SLC35F3: variants seen among roughly 807,000 people sequenced by gnomAD.
SLC35F3 encodes putative thiamine transporter SLC35F3.
In SLC35F3, 25 loss-of-function variants were observed where a neutral mutation model predicts 49.9. That is an observed-to-expected ratio of 0.50 (90% CI 0.37 to 0.70). SLC35F3 has a LOEUF of 0.70. Ranked by LOEUF, SLC35F3 falls within the 30% of genes least tolerant of loss-of-function variation. SLC35F3 has a pLI of 0.00. For synonymous variants in SLC35F3, 275 were observed against 265.4 expected (o/e 1.04, Z -0.35); for missense variants, 525 against 639.8 (o/e 0.82, Z 1.94).
At chr1:234,164,303 T>C (rs1205476925) in intron 2 of SLC35F3, among the ~76,000 whole-genome samples, 1 of 151,248 alleles carries the variant, frequency 6.6e-6, no homozygotes, top group Non-Finnish European at 1.5e-5. Flanking sequence ...TCTTTCTCTT[T>C]CCCTCTCTTT....
intron 2 of SLC35F3, among the ~76,000 whole-genome samples, chr1:234,123,843 G>T (rs1475236838): frequency 6.6e-6 from 1 of 152,112 alleles, no homozygotes; most frequent in Non-Finnish European, 1.5e-5. Flanking sequence ...TGCAGCTCTG[G>T]GGACAAAGGG....
intron 2 of SLC35F3, among the ~76,000 whole-genome samples, chr1:234,032,525 C>T (rs189061147): frequency 4.6e-5 from 7 of 152,256 alleles, no homozygotes; most frequent in Admixed American, 2.6e-4. Context: ...CACTTCCCCC[C>T]GATCCCCAAA....
intron 3 of SLC35F3, among the ~76,000 whole-genome samples, chr1:234,273,435 C>A (rs1032454627): frequency 6.6e-6 from 1 of 152,188 alleles, no homozygotes; most frequent in Admixed American, 6.5e-5. Flanking sequence ...AGCAGTCTGT[C>A]CTGCCCCCCT....
intron 2 of SLC35F3, among the ~76,000 whole-genome samples, chr1:234,168,701 A>T (rs1031086261): frequency 6.6e-6 from 1 of 152,220 alleles, no homozygotes; most frequent in Non-Finnish European, 1.5e-5. Flanking sequence ...TGCCCAGCAG[A>T]ACAGTGAGGC....
intron 3 of SLC35F3, among the ~76,000 whole-genome samples, chr1:234,265,320 C>A (rs1198983093): frequency 1.4e-5 from 2 of 146,134 alleles, no homozygotes; most frequent in Non-Finnish European, 3.0e-5. Flanking sequence ...ATTATTTCTT[C>A]TTTTTTTCTT....
chr1:234,098,310 A>G (rs1665157730), intron 2 of SLC35F3, among the ~76,000 whole-genome samples: 2 of 128,972 alleles, frequency 1.6e-5, no homozygotes, highest in African/African-American at 3.1e-5. Context: ...ATGGTGTTAT[A>G]GGGTGATGAT....
At position 234,043,948 on chromosome 1, in the gene SLC35F3, C is replaced by T. The variant is rs566537156; in HGVS notation, c.283+138190C>T. On this transcript the variant is annotated intron_variant, in intron 2 of 7. Transcript: ENST00000366618. The stretch of plus-strand genomic sequence containing the variant: ...TTTTCATGGTGCTATGGTTTGCATA[C>T]GCTTTGTCTCTCCCAAAACTTATGT... Among the ~76,000 whole-genome samples, 24 of 152,156 alleles carry T rather than the reference C, an allele frequency of 1.6e-4. No homozygotes were observed. The South Asian group carries it at 3.7e-3, about 24-fold the overall frequency.
intron 2 of SLC35F3, among the ~76,000 whole-genome samples, chr1:234,230,156 C>G (rs190986889): frequency 3.3e-5 from 5 of 152,340 alleles, no homozygotes; most frequent in Admixed American, 3.3e-4. Flanking sequence ...TACATTATCT[C>G]TCTTTGACTA....
intron 2 of SLC35F3, among the ~76,000 whole-genome samples, chr1:234,088,334 A>C (rs1664990581): frequency 6.6e-6 from 1 of 152,182 alleles, no homozygotes; most frequent in Non-Finnish European, 1.5e-5. Context: ...CAGCCTCCCA[A>C]GTAGCTGGGA....
chr1:234,158,284 C>T (rs1666180872), intron 2 of SLC35F3, among the ~76,000 whole-genome samples: 2 of 152,188 alleles, frequency 1.3e-5, no homozygotes. Context: ...AATTGCTTTC[C>T]TTGTTGCAAA....
At chr1:234,062,910 C>T (rs1197114746) in intron 2 of SLC35F3, among the ~76,000 whole-genome samples, 3 of 148,984 alleles carry the variant, frequency 2.0e-5, no homozygotes, top group Non-Finnish European at 4.4e-5. Context: ...GGGATGGTCT[C>T]GAACTCCTGA....
chr1:233,939,671 G>A (rs1662390152), intron 2 of SLC35F3, among the ~76,000 whole-genome samples: 1 of 152,188 alleles, frequency 6.6e-6, no homozygotes, highest in Admixed American at 6.5e-5. Flanking sequence ...GCTGAGAGAT[G>A]TCAGAGTGCC....
At chr1:234,003,087 C>G (rs1663577897) in intron 2 of SLC35F3, among the ~76,000 whole-genome samples, 2 of 151,960 alleles carry the variant, frequency 1.3e-5, no homozygotes, top group African/African-American at 4.8e-5. Context: ...CTGCCCCAGT[C>G]CTAGAATCAG....
chr1:233,924,553 A>G (rs894919181), intron 2 of SLC35F3, among the ~76,000 whole-genome samples: 2 of 151,588 alleles, frequency 1.3e-5, no homozygotes, highest in East Asian at 3.9e-4. Flanking sequence ...CTAGCAGTCT[A>G]TCAATTTTGT....
chr1:233,985,756 A>G (rs1396609389), intron 2 of SLC35F3, among the ~76,000 whole-genome samples: 1 of 152,258 alleles, frequency 6.6e-6, no homozygotes, highest in African/African-American at 2.4e-5. Flanking sequence ...AATCATCCAC[A>G]AAAGTATAAG....
At chr1:234,101,301 A>G (rs1346256908) in intron 2 of SLC35F3, among the ~76,000 whole-genome samples, 2 of 152,000 alleles carry the variant, frequency 1.3e-5, no homozygotes, top group African/African-American at 4.8e-5. Flanking sequence ...CACTCAGTCA[A>G]TATTTTTATT....
chr1:234,070,862 C>T lies in SLC35F3; in HGVS notation c.284-160555C>T, dbSNP rs556527968. On this transcript the variant is annotated intron_variant, in intron 2 of 7. Transcript: ENST00000366618. The stretch of plus-strand genomic sequence containing the variant: ...GCCTCCTTAAAATAAATAATTAATG[C>T]TCCTCTCAACCTTCTAGATTTGTGC... 1.4e-4 allele frequency among the ~76,000 whole-genome samples: 22 copies of T among 152,240 alleles called. No individual in the cohort carries two copies. The South Asian group carries it at 4.4e-3, about 30-fold the overall frequency.
In SLC35F3 at chr1:234,309,206, A is replaced by C; in HGVS notation, c.714A>C (p.Leu238Phe). ...GGACACTCACAAACTACCTGTACTTACATGCAATAAAGAAAATAAACACTA... is the reference window on the plus strand; with the variant it reads ...GGACACTCACAAACTACCTGTACTTCCATGCAATAAAGAAAATAAACACTA... The part of the protein sequence containing the change: ...VLWTLTNYLY[L>F]HAIKKINTTD... The change falls in exon 4 of 8, where the codon TTA (leucine) becomes TTC (phenylalanine). Residue 238 changes from leucine (L) to phenylalanine (F), a missense_variant. Leu to Phe is a conservative substitution (Grantham distance 22). Coordinates refer to ENST00000366618, the MANE Select transcript of SLC35F3 (RefSeq NM_173508.4). 1 of 1,614,240 alleles carries C rather than the reference A, an allele frequency of 6.2e-7. No homozygotes were observed. Among genetic ancestry groups the C allele is most frequent in the Non-Finnish European group, 8.5e-7 (1 of 1,180,036 alleles).
At chr1:234,066,919 A>C (rs1383905231) in intron 2 of SLC35F3, among the ~76,000 whole-genome samples, 1 of 150,788 alleles carries the variant, frequency 6.6e-6, no homozygotes, top group African/African-American at 2.4e-5. Flanking sequence ...TTTTGTACCC[A>C]CTTTCTGCAG....
Sources: allele counts gnomAD v4.1 joint callset (sites outside exome capture counted in the v4.1 genomes callset), GRCh38; gene constraint gnomAD v4.1.1; transcripts MANE v1.5; gene names NCBI Gene and HGNC (gene_info 2026-07-23, HGNC 2026-07-21).